FSTL4: variants seen among roughly 807,000 people sequenced by gnomAD.
FSTL4 encodes the protein follistatin-related protein 4.
In FSTL4, 28 loss-of-function variants were observed where a neutral mutation model predicts 78.2. That is an observed-to-expected ratio of 0.36 (90% CI 0.27 to 0.49). FSTL4 has a LOEUF of 0.49. Among genes scored for constraint, FSTL4 ranks in the 20% least tolerant of loss-of-function variants. FSTL4 has a pLI of 0.98. For missense variants in FSTL4, 922 were observed against 1,084.9 expected (o/e 0.85, Z 2.11); for synonymous variants, 422 against 440.5 (o/e 0.96, Z 0.53).
chr5:133,198,750 T>C lies in FSTL4; in HGVS notation c.*345A>G, dbSNP rs73273844. The C allele has an allele frequency of 1.0e-2, 1,902 of 190,392 alleles. 39 individuals carry two copies. Among genetic ancestry groups the C allele is most frequent in the African/African-American group, 0.041 (1,754 of 43,094 alleles). 11.8% of individuals were successfully genotyped at this position (190,392 alleles called of 1,614,324 possible). Reference sequence around the variant, plus strand: ...GTCTGGCAGTAAGGGACAATGACTATGTGAAGGCAACTGACAGAGGTGTCT... The same window carrying C: ...GTCTGGCAGTAAGGGACAATGACTACGTGAAGGCAACTGACAGAGGTGTCT... On this transcript the variant is annotated 3_prime_UTR_variant, in exon 16 of 16. Coordinates refer to ENST00000265342, the MANE Select transcript of FSTL4 (RefSeq NM_015082.2).
At chr5:133,469,641 G>A (rs1360362879) in intron 3 of FSTL4, among the ~76,000 whole-genome samples, 1 of 152,164 alleles carries the variant, frequency 6.6e-6, no homozygotes, top group East Asian at 1.9e-4. Flanking sequence ...GACAGGGTAG[G>A]TACATGCATT....
chr5:133,299,789 G>A (rs1476196558), intron 6 of FSTL4, among the ~76,000 whole-genome samples: 1 of 152,156 alleles, frequency 6.6e-6, no homozygotes, highest in Non-Finnish European at 1.5e-5. Flanking sequence ...GGAGATAGGT[G>A]CTCTGTGATT....
At chr5:133,599,281 G>A (rs746920770) in intron 2 of FSTL4, among the ~76,000 whole-genome samples, 27 of 152,154 alleles carry the variant, frequency 1.8e-4, no homozygotes, top group Admixed American at 5.9e-4. Context: ...CATGCCTCGC[G>A]GGGACAGGAG....
intron 3 of FSTL4, among the ~76,000 whole-genome samples, chr5:133,560,736 G>A (rs1440046850): frequency 6.6e-6 from 1 of 151,342 alleles, no homozygotes; most frequent in South Asian, 2.1e-4. Flanking sequence ...GAGAATTAGA[G>A]CATAAAGTTA....
At chr5:133,271,003 G>T (rs529284188) in intron 6 of FSTL4, among the ~76,000 whole-genome samples, 2 of 152,348 alleles carry the variant, frequency 1.3e-5, no homozygotes, top group East Asian at 3.9e-4. Flanking sequence ...TTGTAAGTTG[G>T]AGTTCAGTTA....
chr5:133,446,132 G>A (rs892865748), intron 3 of FSTL4, among the ~76,000 whole-genome samples: 1 of 152,092 alleles, frequency 6.6e-6, no homozygotes, highest in African/African-American at 2.4e-5. Flanking sequence ...AGCTATTTGA[G>A]CCCCACCAAA....
chr5:133,833,369 TTA>T, the FSTL4 span, among the ~76,000 whole-genome samples: 1 of 152,222 alleles, frequency 6.6e-6, no homozygotes, highest in Non-Finnish European at 1.5e-5. Context: ...GAAACATACT[TTA>T]TTTTTTGTAG....
chr5:133,294,508 T>C (rs1039604970), intron 6 of FSTL4, among the ~76,000 whole-genome samples: 2 of 152,232 alleles, frequency 1.3e-5, no homozygotes, highest in African/African-American at 4.8e-5. Flanking sequence ...CTCTGGGTTA[T>C]GCCCCACCCC....
the FSTL4 span, among the ~76,000 whole-genome samples, chr5:133,694,253 G>A: frequency 6.6e-5 from 10 of 152,332 alleles, no homozygotes; most frequent in African/African-American, 2.4e-4. Context: ...TCTGGACTGT[G>A]CTGTCCTCCC....
intron 3 of FSTL4, among the ~76,000 whole-genome samples, chr5:133,457,517 C>A (rs1033037794): frequency 3.9e-5 from 6 of 152,250 alleles, no homozygotes; most frequent in South Asian, 2.1e-4. Flanking sequence ...GCTGCTTTCT[C>A]CTTTATCCAA....
At chr5:133,332,343 G>A (rs1434161109) in intron 4 of FSTL4, among the ~76,000 whole-genome samples, 1 of 152,246 alleles carries the variant, frequency 6.6e-6, no homozygotes, top group Non-Finnish European at 1.5e-5. Context: ...AGTTCCCAGA[G>A]CCTGAGAATG....
At chr5:133,680,601 T>C in the FSTL4 span, among the ~76,000 whole-genome samples, 7 of 152,344 alleles carry the variant, frequency 4.6e-5, no homozygotes, top group South Asian at 2.1e-4. Flanking sequence ...ATGTTCATTA[T>C]TGCAGAAGAA....
At chr5:133,468,007 C>G (rs1580728519) in intron 3 of FSTL4, among the ~76,000 whole-genome samples, 1 of 152,220 alleles carries the variant, frequency 6.6e-6, no homozygotes, top group African/African-American at 2.4e-5. Flanking sequence ...CAGATTCATT[C>G]CAGGTTCATA....
intron 3 of FSTL4, among the ~76,000 whole-genome samples, chr5:133,442,022 C>G (rs973265788): frequency 6.6e-6 from 1 of 152,168 alleles, no homozygotes; most frequent in Admixed American, 6.5e-5. Flanking sequence ...TGTCACATGG[C>G]GAAATCCCAT....
intron 8 of FSTL4, among the ~76,000 whole-genome samples, chr5:133,227,308 C>T (rs78176903): frequency 0.031 from 4,792 of 152,258 alleles, 244 homozygotes; most frequent in African/African-American, 0.11. Flanking sequence ...AGGAGGTCCA[C>T]GGAGCTCCAG....
intron 3 of FSTL4, among the ~76,000 whole-genome samples, chr5:133,488,272 T>C (rs930008959): frequency 6.6e-6 from 1 of 152,220 alleles, no homozygotes; most frequent in African/African-American, 2.4e-5. Flanking sequence ...TCTCTTTTTT[T>C]GAGATGGAGT....
intron 3 of FSTL4, among the ~76,000 whole-genome samples, chr5:133,560,766 G>T (rs971677514): frequency 6.6e-6 from 1 of 151,744 alleles, no homozygotes; most frequent in Middle Eastern, 3.4e-3. Context: ...TCTGACAGAG[G>T]AAAGGGACCA....
chr5:133,279,814 T>C (rs1752970936), intron 6 of FSTL4, among the ~76,000 whole-genome samples: 1 of 152,210 alleles, frequency 6.6e-6, no homozygotes, highest in Non-Finnish European at 1.5e-5. Context: ...TCTTTGCACA[T>C]ATAATTACTT....
intron 3 of FSTL4, among the ~76,000 whole-genome samples, chr5:133,452,159 G>C (rs1757396994): frequency 6.6e-6 from 1 of 152,248 alleles, no homozygotes; most frequent in Non-Finnish European, 1.5e-5. Flanking sequence ...CCAGGAGAAG[G>C]AGAAGCTGGC....
Sources: allele counts gnomAD v4.1 joint callset (sites outside exome capture counted in the v4.1 genomes callset), GRCh38; gene constraint gnomAD v4.1.1; transcripts MANE v1.5; gene names NCBI Gene and HGNC (gene_info 2026-07-23, HGNC 2026-07-21).